The following SRGAP3 variants were observed in gnomAD, a reference collection of about 807,000 sequenced individuals.
SRGAP3 encodes SLIT-ROBO Rho GTPase-activating protein 3.
SRGAP3 carries 39 observed loss-of-function variants against 121.1 expected under a neutral mutation model. The ratio of observed to expected loss-of-function variants is 0.32; its 90% CI spans 0.25 to 0.42. The LOEUF (loss-of-function observed/expected upper bound fraction) is 0.42, where lower values mean the gene tolerates loss of function less well. Among genes scored for constraint, SRGAP3 ranks in the 10% least tolerant of loss-of-function variants. SRGAP3 has a pLI of 1.00. For synonymous variants in SRGAP3, 601 were observed against 570.0 expected, an observed-to-expected ratio of 1.05 and a Z score of -0.77; for missense variants, 1,213 against 1,470.6, an observed-to-expected ratio of 0.82 and a Z score of 2.86.
intron 1 of SRGAP3, among the ~76,000 whole-genome samples, chr3:9,342,657 T>C (rs1308922414): frequency 6.6e-6 from 1 of 152,172 alleles, no homozygotes; most frequent in Non-Finnish European, 1.5e-5. Context: ...AGAAAACACA[T>C]CAACATGTGC....
chr3:9,056,837 G>T (rs1207913837), intron 7 of SRGAP3, among the ~76,000 whole-genome samples: 1 of 152,138 alleles, frequency 6.6e-6, no homozygotes, highest in Admixed American at 6.5e-5. Context: ...AATTGACTGG[G>T]CCGAGGGCTG....
chr3:9,278,046 A>T (rs1954615289), intron 3 of SRGAP3, among the ~76,000 whole-genome samples: 1 of 152,204 alleles, frequency 6.6e-6, no homozygotes, highest in African/African-American at 2.4e-5. Flanking sequence ...CGGAATCTGC[A>T]GGCATCTTGG....
chr3:9,217,179 G>A (rs530140666), intron 1 of SRGAP3, among the ~76,000 whole-genome samples: 5 of 152,114 alleles, frequency 3.3e-5, no homozygotes, highest in East Asian at 1.9e-4. Flanking sequence ...TGTGCTTTTC[G>A]ACACAATAAA....
rs527933052 is a variant in SRGAP3, at chr3:8,990,608, C to T, written c.2790G>A (p.Ala930=). 35 of 1,611,178 alleles carry T rather than the reference C, an allele frequency of 2.2e-5. No individual in the cohort carries two copies. The highest frequency in any genetic ancestry group is 1.1e-4 in the African/African-American group (8 of 75,020). The change falls in exon 21 of 22, where the codon GCG becomes GCA. Residue 930 remains alanine (A), a synonymous_variant. Transcript: ENST00000383836. ...AGSINYPDKK[A]LSEGHSMRST... is the part of the protein sequence containing the mutation. ...ACCTCATCGAGTGCCCTTCGGAGAG[C>T]GCCTTCTTGTCAGGGTAGTTGATGC...
chr3:9,319,138 C>T (rs1263374539), intron 3 of SRGAP3, among the ~76,000 whole-genome samples: 1 of 151,880 alleles, frequency 6.6e-6, no homozygotes, highest in Non-Finnish European at 1.5e-5. Context: ...ATCTTCAAGG[C>T]AATCCTGTGA....
intron 1 of SRGAP3, among the ~76,000 whole-genome samples, chr3:9,130,285 C>T (rs1414096440): frequency 6.6e-6 from 1 of 152,150 alleles, no homozygotes; most frequent in African/African-American, 2.4e-5. Context: ...TTACGTAAAC[C>T]AAGATCAGGG....
At chr3:9,188,856 T>C (rs980493182) in intron 1 of SRGAP3, among the ~76,000 whole-genome samples, 2 of 152,214 alleles carry the variant, frequency 1.3e-5, no homozygotes, top group South Asian at 2.1e-4. Context: ...TACTGCTCCC[T>C]GCTCCCCTGC....
upstream of SRGAP3, among the ~76,000 whole-genome samples, chr3:9,251,728 A>C (rs980410566): frequency 6.6e-6 from 1 of 152,212 alleles, no homozygotes; most frequent in African/African-American, 2.4e-5. Context: ...CAAAAATGTC[A>C]CAAAAAGCCA....
At chr3:9,028,163 G>A (rs1159852599) in intron 12 of SRGAP3, 41 of 1,613,974 alleles carry the variant, frequency 2.5e-5, no homozygotes, top group Non-Finnish European at 3.4e-5. Flanking sequence ...CAGCAGAGCA[G>A]GAGAAAAAGA....
At chr3:9,262,875 T>C (rs1421646546) in intron 3 of SRGAP3, among the ~76,000 whole-genome samples, 3 of 152,196 alleles carry the variant, frequency 2.0e-5, no homozygotes, top group Admixed American at 6.5e-5. Context: ...GTGGGCCTAA[T>C]AGACATCTAC....
chr3:9,169,515 A>G (rs1404240994), intron 1 of SRGAP3, among the ~76,000 whole-genome samples: 1 of 152,244 alleles, frequency 6.6e-6, no homozygotes, highest in Non-Finnish European at 1.5e-5. Context: ...ATGTCATTGC[A>G]TGTTCCAGGA....
intron 2 of SRGAP3, among the ~76,000 whole-genome samples, chr3:9,123,132 G>A (rs1949076347): frequency 1.3e-5 from 2 of 152,108 alleles, no homozygotes; most frequent in African/African-American, 4.8e-5. Context: ...TACAGCAGTC[G>A]AATTCATAAA....
chr3:9,098,820 T>C (rs757609350), intron 3 of SRGAP3, among the ~76,000 whole-genome samples: 7 of 152,244 alleles, frequency 4.6e-5, no homozygotes, highest in Non-Finnish European at 8.8e-5. Context: ...CTAGTGCTAA[T>C]ATATGTTTAT....
chr3:9,321,024 G>T (rs139441138), intron 3 of SRGAP3, among the ~76,000 whole-genome samples: 3 of 151,632 alleles, frequency 2.0e-5, no homozygotes, highest in Non-Finnish European at 4.4e-5. Context: ...AAAATAGAAC[G>T]TGGTGGAAGT....
At chr3:9,157,859 C>A (rs1228367104) in intron 1 of SRGAP3, among the ~76,000 whole-genome samples, 4 of 152,192 alleles carry the variant, frequency 2.6e-5, no homozygotes, top group African/African-American at 4.8e-5. Flanking sequence ...AATGATGTGA[C>A]ACAGGAAGTA....
chr3:9,075,154 C>T (rs991559016), intron 4 of SRGAP3, among the ~76,000 whole-genome samples: 3 of 152,198 alleles, frequency 2.0e-5, no homozygotes, highest in African/African-American at 7.2e-5. Flanking sequence ...AGAAGGATTG[C>T]CATACTGGTC....
chr3:9,173,591 A>C (rs971876536), intron 1 of SRGAP3, among the ~76,000 whole-genome samples: 7 of 152,098 alleles, frequency 4.6e-5, no homozygotes, highest in African/African-American at 1.7e-4. Context: ...TGGAGAAGAC[A>C]CTGAAGCAGA....
intron 1 of SRGAP3, among the ~76,000 whole-genome samples, chr3:9,231,959 C>A (rs1953226884): frequency 6.6e-6 from 1 of 152,124 alleles, no homozygotes; most frequent in Non-Finnish European, 1.5e-5. Context: ...TGAGTCTAAA[C>A]CCCAGACTCT....
chr3:9,193,901 C>T (rs1014789943), intron 1 of SRGAP3: 1 of 152,320 alleles, frequency 6.6e-6, no homozygotes, highest in Non-Finnish European at 1.5e-5. Context: ...CTGCAGCCGC[C>T]CTCGGAGGCA....
Sources: allele counts gnomAD v4.1 joint callset (sites outside exome capture counted in the v4.1 genomes callset), GRCh38; gene constraint gnomAD v4.1.1; transcripts MANE v1.5; gene names NCBI Gene and HGNC (gene_info 2026-07-23, HGNC 2026-07-21).